The following CFAP74 variants were observed in gnomAD, a reference collection of about 807,000 sequenced individuals.
The protein encoded by CFAP74 is cilia- and flagella-associated protein 74.
In CFAP74, 124 loss-of-function variants were observed where a neutral mutation model predicts 188.9. The observed-to-expected ratio is 0.66, with a 90% confidence interval of 0.57 to 0.76. The LOEUF is 0.76. Ranked by LOEUF, CFAP74 falls within the 30% of genes least tolerant of loss-of-function variation. The probability of loss-of-function intolerance (pLI) is 0.00; values close to 1 mark genes in which losing one functional copy is unlikely to be tolerated. For missense variants in CFAP74, 2,198 were observed against 2,165.2 expected (o/e 1.02, Z -0.30); for synonymous variants, 956 against 916.7 (o/e 1.04, Z -0.77).
At chr1:1,949,157 C>T (rs909109981) in intron 18 of CFAP74, among the ~76,000 whole-genome samples, 1 of 117,690 alleles carries the variant, frequency 8.5e-6, no homozygotes, top group Non-Finnish European at 1.8e-5. Context: ...TCCTTCCCCT[C>T]CCTCCCTCCT....
intron 6 of CFAP74, among the ~76,000 whole-genome samples, chr1:1,977,633 C>T (rs543851120): frequency 2.6e-4 from 40 of 152,264 alleles, no homozygotes; most frequent in South Asian, 1.0e-3. Context: ...CCTGCCAGAC[C>T]GCAGAGGGAA....
intron 2 of CFAP74, among the ~76,000 whole-genome samples, chr1:1,989,493 C>T (rs1657449835): frequency 6.7e-6 from 1 of 149,822 alleles, no homozygotes; most frequent in African/African-American, 2.4e-5. Context: ...GACGTGGAGT[C>T]TCTGTTGCCC....
rs764958027 is a variant in CFAP74 at position 1,925,987 on chromosome 1, C to T, written c.3949-49G>A. 23 of 1,524,006 alleles carry T rather than the reference C, an allele frequency of 1.5e-5. No individual in the cohort carries two copies. In the East Asian group the frequency reaches 1.7e-4, roughly 11 times the overall value. 94.4% of individuals were successfully genotyped at this position (1,524,006 alleles called of 1,614,324 possible). A position where few individuals can be genotyped will look rare whatever the true frequency, so the allele number is the denominator to read the frequency against. ...CAGGAACCGATGTCTGCTGGAGCCA[C>T]GAGGGGAGCTCTGCCTCAGGGGCAG... On this transcript the variant is annotated intron_variant, in intron 32 of 38. Coordinates refer to ENST00000682832, the MANE Select transcript of CFAP74 (RefSeq NM_001304360.2).
In CFAP74 at chr1:1,964,888, C is replaced by G. The variant is rs1191732571; in HGVS notation, c.1575G>C (p.Gln525His). ...FNSKPELLHFQDFDIGKVYKK... is the reference protein window; with the variant it reads ...FNSKPELLHFHDFDIGKVYKK... ...GTTCCTGGCCCAGCTGCGGGCTCAC[C>G]TGGAAGTGGAGGAGCTCCGGTTTGC... Residue 525 changes from glutamine to histidine, a missense_variant and splice_region_variant, in exon 13 of 39, where the codon CAG becomes CAC. Physicochemically the swap from Gln to His is conservative, Grantham distance 24. Coordinates refer to ENST00000682832, the MANE Select transcript of CFAP74 (RefSeq NM_001304360.2). 1 of 1,613,586 alleles carries G rather than the reference C, an allele frequency of 6.2e-7. No individual in the cohort carries two copies. Among genetic ancestry groups the G allele is most frequent in the Non-Finnish European group, 8.5e-7 (1 of 1,179,916 alleles).
intron 1 of CFAP74, among the ~76,000 whole-genome samples, chr1:1,994,704 G>C (rs954991821): frequency 6.6e-6 from 1 of 152,170 alleles, no homozygotes; most frequent in African/African-American, 2.4e-5. Context: ...TCTTCTAAAA[G>C]GTGTCATTGC....
chr1:1,956,891 C>T (rs28535696), intron 16 of CFAP74, 107 bp from the exon 17 acceptor site: 299,423 of 1,169,040 alleles, frequency 0.26, 39,675 homozygotes, highest in Non-Finnish European at 0.27. Flanking sequence ...AGCATTTGTG[C>T]GCGTTGTGCA....
intron 8 of CFAP74, among the ~76,000 whole-genome samples, chr1:1,972,435 G>A (rs186856440): frequency 6.6e-6 from 1 of 152,262 alleles, no homozygotes; most frequent in Admixed American, 6.5e-5. Flanking sequence ...GCCAGGCCAC[G>A]AGGACATGGC....
chr1:1,928,662 G>T, intron 27 of CFAP74, 122 bp downstream of exon 27: 1 of 665,698 alleles, frequency 1.5e-6, no homozygotes, highest in Non-Finnish European at 2.6e-6. Flanking sequence ...CATTGCTTGG[G>T]AAAGGTCTAC....
At chr1:1,959,265 G>GTTTTT in intron 15 of CFAP74, 56 bp from the exon 16 acceptor site, 1 of 1,090,840 alleles carries the variant, frequency 9.2e-7, no homozygotes, top group Non-Finnish European at 1.3e-6. Context: ...TGTGTGTTTT[G>GTTTTT]TTTTTTTTTT....
intron 14 of CFAP74, among the ~76,000 whole-genome samples, chr1:1,962,609 GC>G (rs1655173012): frequency 6.6e-6 from 1 of 152,082 alleles, no homozygotes; most frequent in African/African-American, 2.4e-5. Flanking sequence ...AATGGGCCAG[GC>G]ACAGGGGCTC....
chr1:1,978,219 G>A (rs947064149), intron 6 of CFAP74, among the ~76,000 whole-genome samples: 2 of 152,220 alleles, frequency 1.3e-5, no homozygotes, highest in African/African-American at 4.8e-5. Context: ...AGTGAGGAGA[G>A]TCCTGTGCCC....
chr1:1,961,204 G>A (rs1205222037), intron 14 of CFAP74, among the ~76,000 whole-genome samples: 1 of 152,190 alleles, frequency 6.6e-6, no homozygotes, highest in Non-Finnish European at 1.5e-5. Context: ...CAGGAGGGCA[G>A]AGCCGGAGAA....
At chr1:1,955,105 G>A (rs914338976) in intron 18 of CFAP74, 68 of 1,085,790 alleles carry the variant, frequency 6.3e-5, no homozygotes, top group Non-Finnish European at 7.6e-5. Flanking sequence ...GTGGAGAACC[G>A]GCCCAGCTCC....
Position 1,926,676 on chromosome 1 carries a change from A to T in CFAP74, c.3748T>A (p.Phe1250Ile), listed in dbSNP as rs1350777623. 9.0e-6 allele frequency: 14 copies of T among 1,550,150 alleles called. 2 individuals are homozygous for T. In the South Asian group the frequency reaches 1.7e-4, roughly 18 times the overall value. The change falls in exon 30 of 39, where the codon TTT becomes ATT. Residue 1250 changes from phenylalanine (F) to isoleucine (I), a missense_variant. Phe to Ile is a conservative substitution (Grantham distance 21). Coordinates refer to ENST00000682832, the MANE Select transcript of CFAP74 (RefSeq NM_001304360.2). ...CCCACAGCGACGTCGCCGAAGTTAA[A>T]GATGGTCTTGCCTTTATGGGACGTC... ...VVTSHKGKTIFNFGDVAVGHR... is the reference protein window; with the variant it reads ...VVTSHKGKTIINFGDVAVGHR...
chr1:1,926,076 G>A (rs893350687), intron 32 of CFAP74, 138 bp from the exon 33 acceptor site: 33 of 1,403,220 alleles, frequency 2.4e-5, no homozygotes, highest in East Asian at 7.5e-5. Context: ...CTCACTTGGC[G>A]GCTGGTGTGA....
At chr1:1,986,552 G>A (rs902580076) in intron 5 of CFAP74, among the ~76,000 whole-genome samples, 1 of 152,212 alleles carries the variant, frequency 6.6e-6, no homozygotes, top group Non-Finnish European at 1.5e-5. Context: ...CCAGGCTCCC[G>A]GAGCAATGCC....
chr1:1,935,899 G>A (rs1045583101), intron 25 of CFAP74, among the ~76,000 whole-genome samples: 1 of 148,932 alleles, frequency 6.7e-6, no homozygotes, highest in Non-Finnish European at 1.5e-5. Context: ...AACTGCAGGG[G>A]GCTCTGGAGC....
intron 1 of CFAP74, among the ~76,000 whole-genome samples, chr1:1,996,379 T>C (rs1657913063): frequency 6.6e-6 from 1 of 152,060 alleles, no homozygotes; most frequent in South Asian, 2.1e-4. Flanking sequence ...AGGAAGTTAG[T>C]GGAGTTGTCT....
In CFAP74 at chr1:1,938,279, A is replaced by G. The variant is rs544845482; in HGVS notation, c.3011+576T>C. Among the ~76,000 whole-genome samples the G allele has an allele frequency of 4.9e-3, 740 of 151,814 alleles. 8 individuals are homozygous for G. Among genetic ancestry groups the G allele is most frequent in the African/African-American group, 0.017 (688 of 41,356 alleles). On this transcript the variant is annotated intron_variant, in intron 25 of 38. Coordinates refer to ENST00000682832, the MANE Select transcript of CFAP74 (RefSeq NM_001304360.2). Reference sequence around the variant, plus strand: ...CACTCAACCTTACACACCCACATACATGCACTCACACTCAACCTTACACAC... The same window carrying G: ...CACTCAACCTTACACACCCACATACGTGCACTCACACTCAACCTTACACAC...
Sources: gnomAD v4.1 joint callset for allele counts (sites outside exome capture counted in the v4.1 genomes callset) on GRCh38, gnomAD v4.1.1 for gene constraint, MANE v1.5 for transcripts, NCBI Gene and HGNC (gene_info 2026-07-23, HGNC 2026-07-21) for gene names.